COL4A1: variants seen among roughly 807,000 people sequenced by gnomAD.
COL4A1 encodes collagen alpha-1(IV) chain.
Under a neutral mutation model 216.6 loss-of-function variants are expected in COL4A1, and 40 were observed. The ratio of observed to expected loss-of-function variants is 0.18; its 90% CI spans 0.14 to 0.24. COL4A1 has a LOEUF of 0.24. Ranked by LOEUF, COL4A1 falls within the 10% of genes least tolerant of loss-of-function variation. The pLI is 1.00. For missense variants in COL4A1, 1,628 were observed against 2,196.8 expected (o/e 0.74, Z 5.18); for synonymous variants, 839 against 810.7 (o/e 1.03, Z -0.59).
At chr13:110,248,953 T>C (rs1396214718) in intron 1 of COL4A1, among the ~76,000 whole-genome samples, 1 of 152,138 alleles carries the variant, frequency 6.6e-6, no homozygotes, top group Admixed American at 6.5e-5. Flanking sequence ...GCTTCTGTCC[T>C]GTTTGCCGCT....
intron 1 of COL4A1, chr13:110,266,161 C>G (rs550540391): frequency 1.3e-5 from 2 of 152,336 alleles, no homozygotes; most frequent in African/African-American, 4.8e-5. Context: ...CTGCACACAG[C>G]GAAAGATCGC....
chr13:110,216,980 A>G (rs556014976), intron 2 of COL4A1, among the ~76,000 whole-genome samples: 4 of 152,194 alleles, frequency 2.6e-5, no homozygotes, highest in Non-Finnish European at 4.4e-5. Context: ...AGTTTAAGCA[A>G]TCTGTGTATC....
chr13:110,160,063 G>A (rs1004272384), intron 49 of COL4A1, among the ~76,000 whole-genome samples: 5 of 152,162 alleles, frequency 3.3e-5, no homozygotes, highest in Non-Finnish European at 7.3e-5. Context: ...TGTACTTAAT[G>A]CCACTACACT....
Position 110,236,391 on chromosome 13 carries a change from T to C in COL4A1, c.144+6284A>G, listed in dbSNP as rs575092656. Among the ~76,000 whole-genome samples the C allele has an allele frequency of 1.5e-4, 23 of 152,360 alleles. No individual in the cohort carries two copies. The South Asian group carries it at 4.6e-3, about 30-fold the overall frequency. On this transcript the variant is annotated intron_variant, in intron 2 of 51. Coordinates refer to ENST00000375820, the MANE Select transcript of COL4A1 (RefSeq NM_001845.6). ...CTTGAGAGAAATATACTAAGAGTGC[T>C]CATTTTGCATCTCTCAAAGTGCCCA...
chr13:110,246,327 C>T (rs1196413413), intron 1 of COL4A1, among the ~76,000 whole-genome samples: 3 of 151,004 alleles, frequency 2.0e-5, no homozygotes, highest in African/African-American at 7.3e-5. Context: ...AGCTGCAGTT[C>T]AATGGTTCAC....
At chr13:110,226,716 T>A (rs528683297) in intron 2 of COL4A1, among the ~76,000 whole-genome samples, 3 of 152,354 alleles carry the variant, frequency 2.0e-5, no homozygotes, top group African/African-American at 7.2e-5. Flanking sequence ...AATTAATAAA[T>A]AACTGAATTT....
intron 18 of COL4A1, among the ~76,000 whole-genome samples, chr13:110,202,363 C>T (rs117710910): frequency 0.015 from 2,248 of 152,114 alleles, 19 homozygotes; most frequent in Middle Eastern, 0.027. Flanking sequence ...TCAAGACAAG[C>T]GGCAAAGTCA....
At chr13:110,174,870 C>T (rs1877809064) in intron 37 of COL4A1, 121 bp from the exon 38 acceptor site, 2 of 1,024,616 alleles carry the variant, frequency 2.0e-6, no homozygotes, top group Non-Finnish European at 3.1e-6. Context: ...AACTCCATTT[C>T]CAGATTTCTC....
chr13:110,222,127 C>T (rs1163487493), intron 2 of COL4A1, among the ~76,000 whole-genome samples: 1 of 152,176 alleles, frequency 6.6e-6, no homozygotes, highest in Non-Finnish European at 1.5e-5. Flanking sequence ...CACACAGCAG[C>T]ACCCCAGGGC....
At chr13:110,194,552 C>T (rs1320867932) in intron 22 of COL4A1, among the ~76,000 whole-genome samples, 1 of 152,114 alleles carries the variant, frequency 6.6e-6, no homozygotes, top group Non-Finnish European at 1.5e-5. Flanking sequence ...CAGAGTGAAG[C>T]TGGTTAATGC....
Position 110,209,611 on chromosome 13 carries a change from C to T in COL4A1, c.616-184G>A, listed in dbSNP as rs13378449. On this transcript the variant is annotated intron_variant, in intron 10 of 51. Coordinates refer to ENST00000375820, the MANE Select transcript of COL4A1 (RefSeq NM_001845.6). ...TGCAGGACCCTCAGGTGTGACCATA[C>T]CAATACCAATCCATCTCCCCTGCTC... is the stretch of plus-strand genomic sequence containing the variant. 2.8e-3 allele frequency among the ~76,000 whole-genome samples: 421 copies of T among 152,318 alleles called. 3 individuals are homozygous for T. The highest frequency in any genetic ancestry group is 8.9e-3 in the African/African-American group (369 of 41,576).
At position 110,210,054 on chromosome 13, in the gene COL4A1, G is replaced by T. The variant is rs752297102; in HGVS notation, c.553-12C>A. The T allele has an allele frequency of 5.6e-6, 9 of 1,614,104 alleles. No individual in the cohort carries two copies. Among genetic ancestry groups the T allele is most frequent in the Non-Finnish European group, 6.8e-6 (8 of 1,180,014 alleles). On this transcript the variant is annotated splice_polypyrimidine_tract_variant and intron_variant, in intron 9 of 51. Transcript: ENST00000375820. Reference sequence around the variant, plus strand: ...AGTCCTGGTGGGCCCTAGAATGCATGAGAAAGAAATGAGTTCAGATGCGAA... The same window carrying T: ...AGTCCTGGTGGGCCCTAGAATGCATTAGAAAGAAATGAGTTCAGATGCGAA...
chr13:110,253,685 T>TACAC (rs1566418798), intron 1 of COL4A1, among the ~76,000 whole-genome samples: 3 of 126,146 alleles, frequency 2.4e-5, no homozygotes, highest in African/African-American at 5.6e-5. Context: ...ATGTATTACA[T>TACAC]ATACATATAA....
chr13:110,303,812 C>T (rs573503585), intron 1 of COL4A1, among the ~76,000 whole-genome samples: 2 of 152,328 alleles, frequency 1.3e-5, no homozygotes, highest in African/African-American at 2.4e-5. Flanking sequence ...TGAGTCCCTG[C>T]CGCATGGCCA....
chr13:110,201,606 T>C, intron 18 of COL4A1, 84 bp from the exon 19 acceptor site: 3 of 1,151,082 alleles, frequency 2.6e-6, no homozygotes, highest in Non-Finnish European at 4.0e-6. Context: ...TGAAGAAATG[T>C]ACATATTTGT....
At chr13:110,291,033 C>G (rs1018721864) in intron 1 of COL4A1, among the ~76,000 whole-genome samples, 3 of 152,214 alleles carry the variant, frequency 2.0e-5, no homozygotes, top group African/African-American at 7.2e-5. Flanking sequence ...GGGGGCTGTC[C>G]TGACCTGAAT....
intron 18 of COL4A1, 61 bp downstream of exon 18, chr13:110,203,505 C>T: frequency 6.3e-7 from 1 of 1,587,754 alleles, no homozygotes; most frequent in African/African-American, 1.3e-5. Flanking sequence ...CTCACAGACC[C>T]AGGGTCCTCT....
At chr13:110,230,763 G>A (rs1263135902) in intron 2 of COL4A1, among the ~76,000 whole-genome samples, 1 of 152,244 alleles carries the variant, frequency 6.6e-6, no homozygotes, top group Non-Finnish European at 1.5e-5. Context: ...TGCCCTGACA[G>A]GCAGGACACC....
chr13:110,287,645 T>C (rs1021767975), intron 1 of COL4A1, among the ~76,000 whole-genome samples: 7 of 152,256 alleles, frequency 4.6e-5, no homozygotes, highest in African/African-American at 1.7e-4. Flanking sequence ...CGGCACGTCC[T>C]TGAGCGCCGT....
Sources: allele counts gnomAD v4.1 joint callset (sites outside exome capture counted in the v4.1 genomes callset), GRCh38; gene constraint gnomAD v4.1.1; transcripts MANE v1.5; gene names NCBI Gene and HGNC (gene_info 2026-07-23, HGNC 2026-07-21).